Variants in TTC34 observed in about 807,000 individuals in gnomAD.
TTC34 encodes the protein tetratricopeptide repeat domain 34.
A neutral mutation model predicts 40.7 loss-of-function variants in TTC34; 44 were observed. That is an observed-to-expected ratio of 1.08 (90% confidence interval 0.85 to 1.39). TTC34 has a LOEUF of 1.39. Ranked by LOEUF, TTC34 falls within the 40% of genes most tolerant of loss-of-function variation. The pLI, the probability that TTC34 is intolerant of heterozygous loss-of-function variation, is 0.00. For synonymous variants in TTC34, 422 were observed against 398.6 expected (o/e 1.06, Z -0.70); for missense variants, 884 against 838.0 (o/e 1.05, Z -0.68).
chr1:2,756,065 G>A lies in TTC34; in HGVS notation c.2226+27544C>T, dbSNP rs1358359961. 5.1e-3 allele frequency among the ~76,000 whole-genome samples: 277 copies of A among 54,608 alleles called. 13 individuals are homozygous for A. Among genetic ancestry groups the A allele is most frequent in the African/African-American group, 0.041 (246 of 5,992 alleles). 35.8% of individuals were successfully genotyped at this position (54,608 alleles called of 152,430 possible). A position where few individuals can be genotyped will look rare whatever the true frequency, so the allele number is the denominator to read the frequency against. On this transcript the variant is annotated intron_variant, in intron 6 of 8. Transcript: ENST00000401095. ...TGACAACCTGGAACAGCACCCATAC[G>A]CCAAGATGAGCATCTGACAGCGTGG...
intron 6 of TTC34, among the ~76,000 whole-genome samples, chr1:2,656,437 C>T (rs1570763907): frequency 1.8e-5 from 1 of 54,858 alleles, no homozygotes; most frequent in Non-Finnish European, 3.3e-5. Flanking sequence ...CATCTGACAG[C>T]CTGCAACAGC....
chr1:2,797,171 A>G (rs1643716542), intron 2 of TTC34, among the ~76,000 whole-genome samples: 1 of 152,132 alleles, frequency 6.6e-6, no homozygotes, highest in South Asian at 2.1e-4. Context: ...CCCGTGTCTC[A>G]TGGGGATGGT....
intron 5 of TTC34, among the ~76,000 whole-genome samples, chr1:2,785,354 GC>G (rs1245868235): frequency 3.3e-5 from 5 of 151,624 alleles, no homozygotes; most frequent in Admixed American, 1.3e-4. Context: ...CAGACACCTG[GC>G]CCCCCAACCC....
chr1:2,652,418 T>C (rs1007203660), intron 6 of TTC34, among the ~76,000 whole-genome samples: 429 of 147,154 alleles, frequency 2.9e-3, no homozygotes, highest in South Asian at 6.0e-3. Context: ...CCAGTGAGCA[T>C]CTGACAGCCT....
intron 6 of TTC34, among the ~76,000 whole-genome samples, chr1:2,652,508 T>TTGGTC (rs1570753889): frequency 2.0e-4 from 28 of 139,474 alleles, no homozygotes; most frequent in African/African-American, 7.3e-4. Flanking sequence ...TCTGACGGCC[T>TTGGTC]GCAACAGCAC....
intron 6 of TTC34, among the ~76,000 whole-genome samples, chr1:2,675,002 C>G: frequency 7.3e-6 from 1 of 137,424 alleles, no homozygotes; most frequent in South Asian, 2.3e-4. Flanking sequence ...CACCCACACA[C>G]CCAGGTGAGC....
chr1:2,791,556 G>A (rs975924449), intron 2 of TTC34, among the ~76,000 whole-genome samples: 8 of 152,254 alleles, frequency 5.3e-5, no homozygotes, highest in Middle Eastern at 3.4e-3. Flanking sequence ...GGTAAGCGCC[G>A]AGTCCAGCAC....
intron 6 of TTC34, among the ~76,000 whole-genome samples, chr1:2,682,025 C>T (rs1276786061): frequency 9.3e-6 from 1 of 107,048 alleles, no homozygotes; most frequent in Non-Finnish European, 1.9e-5. Context: ...AACACCCATA[C>T]CCACAGGTGA....
rs1319058184 is a variant in TTC34, at chr1:2,752,739, G to A, written c.2226+30870C>T. On this transcript the variant is annotated intron_variant, in intron 6 of 8. Transcript: ENST00000401095. Reference sequence around the variant, plus strand: ...CATGGAACAGCACCCTGCACCCCCAGGACAGCATCTGACAGCGTGGAACAG... The same window carrying A: ...CATGGAACAGCACCCTGCACCCCCAAGACAGCATCTGACAGCGTGGAACAG... Among the ~76,000 whole-genome samples, 61 of 119,816 alleles carry A rather than the reference G, an allele frequency of 5.1e-4. 9 individuals are homozygous for A. The highest frequency in any genetic ancestry group is 1.8e-3 in the South Asian group (6 of 3,386). The allele number at this position is 119,816 out of a possible 152,430, so 78.6% of individuals were successfully genotyped here.
At chr1:2,643,516 T>G (rs1367168859) in intron 8 of TTC34, among the ~76,000 whole-genome samples, 18 of 151,682 alleles carry the variant, frequency 1.2e-4, no homozygotes, top group Admixed American at 1.2e-3. Context: ...TGCTCCCACC[T>G]CGAAGACCCC....
rs551826035 is a variant in TTC34 at position 2,801,386 on chromosome 1, G to A, written c.-42+191C>T. On this transcript the variant is annotated intron_variant, in intron 1 of 8. Transcript: ENST00000401095. ...AGCACCTGCCAGGCCCTTGGGTCGG[G>A]GGAGCCACCCCAGCCCATGGGTGGG... is the stretch of plus-strand genomic sequence containing the variant. 2.6e-5 allele frequency among the ~76,000 whole-genome samples: 4 copies of A among 152,140 alleles called. No individual in the cohort carries two copies. The East Asian group carries it at 7.8e-4, about 29-fold the overall frequency.
chr1:2,798,737 C>A, intron 2 of TTC34, among the ~76,000 whole-genome samples: 1 of 138,322 alleles, frequency 7.2e-6, no homozygotes, highest in Non-Finnish European at 1.6e-5. Flanking sequence ...CCCTCAGCCC[C>A]CCAGCCTCCC....
intron 6 of TTC34, among the ~76,000 whole-genome samples, chr1:2,760,344 C>T (rs1460715591): frequency 2.2e-5 from 1 of 46,428 alleles, no homozygotes; most frequent in Non-Finnish European, 3.4e-5. Context: ...CATCTGACAG[C>T]CTGGAACAGC....
chr1:2,748,881 CT>C, intron 6 of TTC34, among the ~76,000 whole-genome samples: 1 of 28,736 alleles, frequency 3.5e-5, no homozygotes, highest in Non-Finnish European at 6.5e-5. Context: ...GCACCCACAC[CT>C]TCAGGTGAGC....
chr1:2,684,888 C>A (rs1488419423), intron 6 of TTC34, among the ~76,000 whole-genome samples: 1 of 123,132 alleles, frequency 8.1e-6, no homozygotes, highest in African/African-American at 3.8e-5. Flanking sequence ...CCCAGGTGAG[C>A]ATCTGACAGC....
intron 6 of TTC34, among the ~76,000 whole-genome samples, chr1:2,756,555 G>A (rs1641512057): frequency 7.2e-5 from 11 of 152,176 alleles, no homozygotes; most frequent in Admixed American, 5.9e-4. Flanking sequence ...CACTCCAGGT[G>A]AGCATCTGAC....
exon 4 of TTC34, chr1:2,787,698 C>T (rs1643610262): frequency 6.5e-7 from 1 of 1,543,468 alleles, no homozygotes; most frequent in Non-Finnish European, 8.8e-7. Context: ...GTGCACGCCG[C>T]AGGCGACCCT....
chr1:2,642,272 G>A (rs1638922541), intron 8 of TTC34, among the ~76,000 whole-genome samples: 1 of 152,138 alleles, frequency 6.6e-6, no homozygotes, highest in African/African-American at 2.4e-5. Context: ...CCACCGGCTG[G>A]GCCCAGGTTC....
intron 4 of TTC34, 40 bp from the exon 5 acceptor site, chr1:2,786,063 C>A (rs542303414): frequency 7.1e-7 from 1 of 1,415,854 alleles, no homozygotes; most frequent in Non-Finnish European, 9.3e-7. Context: ...CCCTTGGGAC[C>A]GATGCCCTGG....
Sources: allele counts gnomAD v4.1 joint callset (sites outside exome capture counted in the v4.1 genomes callset), GRCh38; gene constraint gnomAD v4.1.1; transcripts MANE v1.5; gene names NCBI Gene and HGNC (gene_info 2026-07-23, HGNC 2026-07-21).